NEBL: variants seen among roughly 807,000 people sequenced by gnomAD.
The protein encoded by NEBL is nebulette.
In NEBL, 122 loss-of-function variants were observed where a neutral mutation model predicts 140.2. The observed-to-expected ratio is 0.87, with a 90% confidence interval of 0.75 to 1.01. The LOEUF (loss-of-function observed/expected upper bound fraction) is 1.01. Among genes scored for constraint, NEBL ranks in the 50% least tolerant of loss-of-function variants. The pLI, the probability that NEBL is intolerant of heterozygous loss-of-function variation, is 0.00. For synonymous variants in NEBL, 436 were observed against 398.9 expected, an observed-to-expected ratio of 1.09 and a Z score of -1.11; for missense variants, 1,365 against 1,231.3, an observed-to-expected ratio of 1.11 and a Z score of -1.62.
chr10:21,265,989 T>C (rs1290083539), intron 1 of NEBL, among the ~76,000 whole-genome samples: 1 of 152,156 alleles, frequency 6.6e-6, no homozygotes, highest in Non-Finnish European at 1.5e-5. Context: ...CTCTAATCCG[T>C]CATTGGTTAA....
intron 2 of NEBL, among the ~76,000 whole-genome samples, chr10:21,157,578 A>T (rs1457820883): frequency 6.6e-6 from 1 of 151,772 alleles, no homozygotes; most frequent in African/African-American, 2.4e-5. Context: ...CTCAAAAAAT[A>T]AAAAAAAATT....
chr10:21,215,748 C>T (rs1182131363), intron 3 of NEBL, among the ~76,000 whole-genome samples: 1 of 152,192 alleles, frequency 6.6e-6, no homozygotes, highest in Non-Finnish European at 1.5e-5. Flanking sequence ...GCAGCCTCAA[C>T]CTCCCAGGCT....
At chr10:20,983,957 C>T (rs929060280) in intron 3 of NEBL, among the ~76,000 whole-genome samples, 6 of 151,788 alleles carry the variant, frequency 4.0e-5, no homozygotes, top group Non-Finnish European at 1.5e-5. Context: ...AAGTAATGAC[C>T]CTAATATATC....
chr10:21,153,349 T>C (rs1012247644), intron 2 of NEBL, among the ~76,000 whole-genome samples: 3 of 149,970 alleles, frequency 2.0e-5, no homozygotes, highest in African/African-American at 7.4e-5. Context: ...AAGATGGAGT[T>C]TTGCTCTGTC....
chr10:21,103,175 G>A (rs1450072448), intron 2 of NEBL, among the ~76,000 whole-genome samples: 2 of 151,154 alleles, frequency 1.3e-5, no homozygotes, highest in Non-Finnish European at 2.9e-5. Flanking sequence ...ATGTACAGGA[G>A]CATATGAGAG....
chr10:20,929,260 A>AATATATAT (rs57452633), intron 4 of NEBL, among the ~76,000 whole-genome samples: 1 of 148,890 alleles, frequency 6.7e-6, no homozygotes, highest in South Asian at 2.1e-4. Flanking sequence ...GAGAGATATA[A>AATATATAT]ATATATATAT....
intron 1 of NEBL, among the ~76,000 whole-genome samples, chr10:21,264,497 C>T (rs1842776065): frequency 6.6e-6 from 1 of 151,902 alleles, no homozygotes; most frequent in African/African-American, 2.4e-5. Context: ...CTCCTTCTGA[C>T]TCACTCAAAG....
At chr10:20,798,269 T>C (rs1588623825) in intron 26 of NEBL, among the ~76,000 whole-genome samples, 1 of 152,264 alleles carries the variant, frequency 6.6e-6, no homozygotes, top group South Asian at 2.1e-4. Flanking sequence ...TCATACACTA[T>C]TTCCCCACTG....
At chr10:20,993,160 T>C (rs1837534352) in intron 3 of NEBL, among the ~76,000 whole-genome samples, 1 of 152,124 alleles carries the variant, frequency 6.6e-6, no homozygotes, top group Non-Finnish European at 1.5e-5. Flanking sequence ...TTAAAACATG[T>C]AAAATCCCAA....
At chr10:20,893,738 G>A (rs550987815) in intron 2 of NEBL, among the ~76,000 whole-genome samples, 56 of 152,240 alleles carry the variant, frequency 3.7e-4, no homozygotes, top group South Asian at 8.3e-4. Context: ...TAAGGGAAAC[G>A]GCAAACTGAG....
chr10:21,058,537 G>T (rs1422058236), intron 2 of NEBL, among the ~76,000 whole-genome samples: 1 of 151,990 alleles, frequency 6.6e-6, no homozygotes, highest in Non-Finnish European at 1.5e-5. Flanking sequence ...AACAATGACA[G>T]TGTAGATAAA....
chr10:20,890,655 C>T (rs982235293), intron 2 of NEBL, among the ~76,000 whole-genome samples: 1 of 152,218 alleles, frequency 6.6e-6, no homozygotes, highest in African/African-American at 2.4e-5. Flanking sequence ...TGAGGCTTAG[C>T]TAAACCTGCT....
intron 2 of NEBL, among the ~76,000 whole-genome samples, chr10:20,892,610 T>C (rs766472719): frequency 1.6e-4 from 25 of 152,184 alleles, no homozygotes; most frequent in Non-Finnish European, 2.8e-4. Context: ...GCAAAATTGA[T>C]GACTTTATGA....
intron 1 of NEBL, among the ~76,000 whole-genome samples, chr10:21,263,224 C>T (rs949314077): frequency 4.6e-5 from 7 of 152,184 alleles, no homozygotes; most frequent in African/African-American, 1.7e-4. Flanking sequence ...AAGTCCAAAG[C>T]TTGTACTGCT....
intron 27 of NEBL, among the ~76,000 whole-genome samples, chr10:20,786,680 G>GT (rs1835436505): frequency 6.6e-6 from 1 of 152,186 alleles, no homozygotes; most frequent in Non-Finnish European, 1.5e-5. Flanking sequence ...AAGAGACTAT[G>GT]TTGAGGGCTT....
At chr10:20,977,945 G>A (rs1380644858) in intron 3 of NEBL, among the ~76,000 whole-genome samples, 2 of 152,120 alleles carry the variant, frequency 1.3e-5, no homozygotes, top group African/African-American at 4.8e-5. Flanking sequence ...AAGAAAATAG[G>A]ATCTGCCACG....
rs1394087327 is a variant in NEBL at position 20,888,133 on chromosome 10, A to G, written c.333T>C (p.Ser111=). 1 of 1,613,750 alleles carries G rather than the reference A, an allele frequency of 6.2e-7. No individual in the cohort carries two copies. The part of the protein sequence containing the change: ...LYKRMPATID[S]VFAGEVTQLQ... ...GCTGTGTAACTTCTCCTGCAAAAAC[A>G]CTGTCAATTGTGGCTGGCATCCGCT... The change falls in exon 4 of 28, where the codon AGT becomes AGC. Residue 111 remains serine (S), a synonymous_variant. Transcript: ENST00000377122.
Position 20,831,285 on chromosome 10 carries a change from C to G in NEBL, c.1582G>C (p.Glu528Gln). The G allele has an allele frequency of 1.2e-6, 2 of 1,611,222 alleles. No individual in the cohort carries two copies. Among genetic ancestry groups the G allele is most frequent in the East Asian group, 2.2e-5 (1 of 44,836 alleles). Residue 528 changes from glutamate to glutamine, a missense_variant, in exon 16 of 28, where the codon GAA becomes CAA. Transcript: ENST00000377122. ...ATTCCTTTCCCTTTAATTTCATTTT[C>G]TAAGTCCTTCTTGTATTGTTTCTAA... ...ASQKQYKKDLENEIKGKGMQV... is the reference protein window; with the variant it reads ...ASQKQYKKDLQNEIKGKGMQV...
intron 2 of NEBL, among the ~76,000 whole-genome samples, chr10:21,162,463 T>C (rs1840595292): frequency 6.6e-6 from 1 of 152,218 alleles, no homozygotes; most frequent in Non-Finnish European, 1.5e-5. Context: ...GTGCCCTTCA[T>C]TTGCAGAGTT....
Sources: gnomAD v4.1 joint callset for allele counts (sites outside exome capture counted in the v4.1 genomes callset) on GRCh38, gnomAD v4.1.1 for gene constraint, MANE v1.5 for transcripts, NCBI Gene and HGNC (gene_info 2026-07-23, HGNC 2026-07-21) for gene names.